AIRE: variants seen among roughly 807,000 people sequenced by gnomAD.
The protein encoded by AIRE is autoimmune polyendocrinopathy candidiasis ectodermal dystrophy protein.
A neutral mutation model predicts 62.1 loss-of-function variants in AIRE; 52 were observed. The observed-to-expected ratio is 0.84, with a 90% confidence interval of 0.67 to 1.06. The LOEUF (loss-of-function observed/expected upper bound fraction) is 1.06. Among genes scored for constraint, AIRE ranks in the 50% least tolerant of loss-of-function variants. AIRE has a pLI of 0.00. For synonymous variants in AIRE, 342 were observed against 321.6 expected, an observed-to-expected ratio of 1.06 and a Z score of -0.68; for missense variants, 774 against 755.8, an observed-to-expected ratio of 1.02 and a Z score of -0.28.
chr21:44,287,801 C>T lies in AIRE; in HGVS notation c.538+210C>T. On this transcript the variant is annotated intron_variant, in intron 4 of 13. Coordinates refer to ENST00000291582, the MANE Select transcript of AIRE (RefSeq NM_000383.4). The surrounding 1 kb of genome is among the most constrained non-coding windows in gnomAD (Gnocchi z 4.3). ...TGATCTTGCCAGTCGCCCCTGCCCC[C>T]ACTGCACCCTGGTTCTGGGACCCCC... 6.6e-6 allele frequency among the ~76,000 whole-genome samples: 1 copy of T among 152,120 alleles called. No homozygotes were observed. The highest frequency in any genetic ancestry group is 1.9e-4 in the East Asian group (1 of 5,202).
In AIRE at chr21:44,297,706, G is replaced by A. The variant is rs769335225; in HGVS notation, c.1617G>A (p.Pro539=). ...GGGCCATCCAGAGCATGGCCCGTCC[G>A]GCGGCCCCCTTCCCCTCCTGACCCC... ...LQWAIQSMAR[P]AAPFPS Residue 539 remains proline, a synonymous_variant, in exon 14 of 14, where the codon CCG becomes CCA. Coordinates refer to ENST00000291582, the MANE Select transcript of AIRE (RefSeq NM_000383.4). This position sits in a 1 kb window ranked among gnomAD's most constrained non-coding sequence, Gnocchi z 4.8. 6.2e-6 allele frequency: 10 copies of A among 1,612,282 alleles called. No homozygotes were observed. In the East Asian group the frequency reaches 1.3e-4, roughly 22 times the overall value.
At chr21:44,288,683 C>T (rs1239249820) in intron 5 of AIRE, 1 of 550,478 alleles carries the variant, frequency 1.8e-6, no homozygotes, top group East Asian at 3.0e-5. Flanking sequence ...GGCCCACATC[C>T]CCACCCGGGA....
chr21:44,286,875 G>C lies in AIRE; in HGVS notation c.308-103G>C. ...CGTCTTGGATCCTAAGAGGCAAAGG[G>C]GCCAGGCCTCACCTGTCTGGCCAAG... On this transcript the variant is annotated intron_variant, in intron 2 of 13. Transcript: ENST00000291582. This position sits in a 1 kb window ranked among gnomAD's most constrained non-coding sequence, Gnocchi z 6.0. 6.3e-7 allele frequency: 1 copy of C among 1,580,978 alleles called. No homozygotes were observed.
intron 8 of AIRE, 68 bp from the exon 9 acceptor site, chr21:44,292,234 C>A: frequency 2.3e-6 from 3 of 1,299,936 alleles, no homozygotes; most frequent in East Asian, 2.5e-5. Context: ...GAGCTCCACC[C>A]GTGGGTTTGG....
At chr21:44,293,204 C>T in intron 10 of AIRE, 29 bp downstream of exon 10, 1 of 1,525,732 alleles carries the variant, frequency 6.6e-7, no homozygotes, top group Non-Finnish European at 8.8e-7. Flanking sequence ...TCAGGGTGGG[C>T]TCTTCAAGGA....
chr21:44,293,060 T>C lies in AIRE; in HGVS notation c.1163T>C (p.Met388Thr). The change falls in exon 10 of 14, where the codon ATG (methionine) becomes ACG (threonine). Residue 388 changes from methionine (M) to threonine (T), a missense_variant. Around this residue, in one of 3 missense-constraint regions of AIRE, gnomAD observed 354 missense variants for 296.1 expected, o/e 1.20. Transcript: ENST00000291582. The part of the protein sequence containing the change: ...RGPPGEPLAG[M>T]DTTLVYKHLP... ...CCACCTGGGGAACCCCTAGCCGGCATGGACACGACTCTTGTCTACAAGCAC... is the reference window on the plus strand; with the variant it reads ...CCACCTGGGGAACCCCTAGCCGGCACGGACACGACTCTTGTCTACAAGCAC... The C allele has an allele frequency of 6.2e-7, 1 of 1,612,480 alleles. No homozygotes were observed. The highest frequency in any genetic ancestry group is 8.5e-7 in the Non-Finnish European group (1 of 1,179,824).
intron 5 of AIRE, chr21:44,289,099 T>C (rs2040509623): frequency 5.9e-6 from 1 of 168,120 alleles, no homozygotes; most frequent in Non-Finnish European, 1.3e-5. Context: ...CTGTGTTACT[T>C]CCTAAGGCTG....
At position 44,296,393 on chromosome 21, in the gene AIRE, C is replaced by A; in HGVS notation, c.1514C>A (p.Ala505Asp). 1 of 1,612,404 alleles carries A rather than the reference C, an allele frequency of 6.2e-7. No individual in the cohort carries two copies. Among genetic ancestry groups the A allele is most frequent in the Non-Finnish European group, 8.5e-7 (1 of 1,179,676 alleles). The stretch of plus-strand genomic sequence containing the variant: ...TTTACTGGGTTCCAGGATGACACTG[C>A]CAGTCACGAGCCCGCTCTGCACAGG... The part of the protein sequence containing the change: ...LAPGPAKDDT[A>D]SHEPALHRDD... The change falls in exon 13 of 14, where the codon GCC (alanine) becomes GAC (aspartate). Residue 505 changes from alanine (A) to aspartate (D), a missense_variant. Ala to Asp is a moderately radical substitution (Grantham distance 126). Around this residue, in one of 3 missense-constraint regions of AIRE, gnomAD observed 354 missense variants for 296.1 expected, o/e 1.20. Coordinates refer to ENST00000291582, the MANE Select transcript of AIRE (RefSeq NM_000383.4).
At chr21:44,288,059 G>T (rs1055019363) in intron 4 of AIRE, among the ~76,000 whole-genome samples, 1 of 152,284 alleles carries the variant, frequency 6.6e-6, no homozygotes, top group South Asian at 2.1e-4. Context: ...TCATGGGGGG[G>T]TGGGTCTGGT....
At position 44,289,842 on chromosome 21, in the gene AIRE, GC is replaced by G. The variant is rs1041917208; in HGVS notation, c.798+46del. On this transcript the variant is annotated intron_variant, in intron 6 of 13. Transcript: ENST00000291582. ...TTCCCTGGGGAGCCTGGCTCTTGATGCCCCCCGCCCCAGGAACAGCGTTGCC... is the reference window on the plus strand; with the variant it reads ...TTCCCTGGGGAGCCTGGCTCTTGATGCCCCCGCCCCAGGAACAGCGTTGCC... The G allele has an allele frequency of 3.1e-6, 5 of 1,611,366 alleles. No individual in the cohort carries two copies. The African/African-American group carries it at 4.0e-5, about 13-fold the overall frequency.
chr21:44,293,749 C>A (rs559713686), intron 10 of AIRE, 40 bp from the exon 11 acceptor site: 5 of 1,594,842 alleles, frequency 3.1e-6, no homozygotes, highest in Non-Finnish European at 4.2e-6. Context: ...CTACATTTCC[C>A]CCGGCCCCCC....
Position 44,286,145 on chromosome 21 carries a change from TC to T in AIRE, c.132+11del. Reference sequence around the variant, plus strand: ...CCCCGAGGACAAGTTTCAGGTGGGCTCCCCGCCCGCCCCCCGCTGCCCCCAG... The same window carrying T: ...CCCCGAGGACAAGTTTCAGGTGGGCTCCCGCCCGCCCCCCGCTGCCCCCAG... On this transcript the variant is annotated splice_region_variant and intron_variant, in intron 1 of 13. Coordinates refer to ENST00000291582, the MANE Select transcript of AIRE (RefSeq NM_000383.4). The surrounding 1 kb of genome is among the most constrained non-coding windows in gnomAD (Gnocchi z 6.0). 6.5e-7 allele frequency: 1 copy of T among 1,545,186 alleles called. No individual in the cohort carries two copies. The highest frequency in any genetic ancestry group is 8.7e-7 in the Non-Finnish European group (1 of 1,145,794).
chr21:44,291,963 T>G (rs1169750461), intron 8 of AIRE, among the ~76,000 whole-genome samples: 2 of 152,120 alleles, frequency 1.3e-5, no homozygotes, highest in Non-Finnish European at 2.9e-5. Flanking sequence ...TGGGTGCCAT[T>G]CCCCTTAACA....
At position 44,293,814 on chromosome 21, in the gene AIRE, G is replaced by A. The variant is rs1172245008; in HGVS notation, c.1304G>A (p.Gly435Glu). The A allele has an allele frequency of 1.9e-6, 3 of 1,596,618 alleles. No homozygotes were observed. The African/African-American group carries it at 4.0e-5, about 21-fold the overall frequency. The change falls in exon 11 of 14, where the codon GGG becomes GAG. Residue 435 changes from glycine to glutamate, a missense_variant. Physicochemically the swap from Gly to Glu is moderately conservative, Grantham distance 98 (BLOSUM62 -2). This residue lies in a region of AIRE where 354 missense variants were observed against 296.1 expected (regional missense o/e 1.20). Coordinates refer to ENST00000291582, the MANE Select transcript of AIRE (RefSeq NM_000383.4). ...QQNLAPGARC[G>E]VCGDGTDVLR... is the part of the protein sequence containing the mutation. The stretch of plus-strand genomic sequence containing the variant: ...AACCTGGCTCCTGGTGCGCGTTGCG[G>A]GGTGTGCGGAGATGGTACGGACGTG...
Position 44,290,038 on chromosome 21 carries a change from G to C in AIRE, c.849G>C (p.Leu283=). The C allele has an allele frequency of 6.2e-7, 1 of 1,611,932 alleles. No individual in the cohort carries two copies. The highest frequency in any genetic ancestry group is 8.5e-7 in the Non-Finnish European group (1 of 1,179,642). Residue 283 remains leucine (L), a synonymous_variant, in exon 7 of 14, where the codon CTG becomes CTC. Transcript: ENST00000291582. ...AGCAGGGCAGCGTTCCCGCCCCTCT[G>C]GCCCTCCCCAGTGACCCCCAGCTCC... is the stretch of plus-strand genomic sequence containing the variant. ...LGQQGSVPAP[L]ALPSDPQLHQ...
At position 44,287,750 on chromosome 21, in the gene AIRE, G is replaced by A. The variant is rs2040498283; in HGVS notation, c.538+159G>A. ...GGCCTAAGCTGCACCACCAGACCCAGGAAGGGGACACCTTGGGTCTAAGCA... is the reference window on the plus strand; with the variant it reads ...GGCCTAAGCTGCACCACCAGACCCAAGAAGGGGACACCTTGGGTCTAAGCA... On this transcript the variant is annotated intron_variant, in intron 4 of 13. Transcript: ENST00000291582. The surrounding 1 kb of genome is among the most constrained non-coding windows in gnomAD (Gnocchi z 4.3). 6.6e-6 allele frequency among the ~76,000 whole-genome samples: 1 copy of A among 152,036 alleles called. No individual in the cohort carries two copies. The highest frequency in any genetic ancestry group is 2.4e-5 in the African/African-American group (1 of 41,398).
In AIRE at chr21:44,297,730, C is replaced by G; in HGVS notation, c.*3C>G. 6.2e-7 allele frequency: 1 copy of G among 1,609,826 alleles called. No homozygotes were observed. The highest frequency in any genetic ancestry group is 1.1e-5 in the South Asian group (1 of 91,042). The stretch of plus-strand genomic sequence containing the variant: ...CGGCGGCCCCCTTCCCCTCCTGACC[C>G]CAGATGGCCGGGACATGCAGCTCTG... On this transcript the variant is annotated 3_prime_UTR_variant, in exon 14 of 14. Coordinates refer to ENST00000291582, the MANE Select transcript of AIRE (RefSeq NM_000383.4). This position sits in a 1 kb window ranked among gnomAD's most constrained non-coding sequence, Gnocchi z 4.8.
chr21:44,288,498 C>T (rs1270446863), intron 5 of AIRE, 40 bp downstream of exon 5: 1 of 1,459,270 alleles, frequency 6.9e-7, no homozygotes, highest in Non-Finnish European at 9.6e-7. Context: ...ATGGGGAGAC[C>T]CAGGCTCCAA....
chr21:44,296,357 G>A, intron 12 of AIRE, 26 bp from the exon 13 acceptor site: 1 of 1,606,858 alleles, frequency 6.2e-7, no homozygotes, highest in Non-Finnish European at 8.5e-7. Flanking sequence ...GAGTTGGGCT[G>A]ACCTCTTCTC....
Sources: allele counts gnomAD v4.1 joint callset (sites outside exome capture counted in the v4.1 genomes callset), GRCh38; gene constraint gnomAD v4.1.1; regional missense constraint gnomAD v4.1.1; non-coding constraint Gnocchi (gnomAD v3.1); transcripts MANE v1.5; gene names NCBI Gene and HGNC (gene_info 2026-07-23, HGNC 2026-07-21).